Variants in PHLPP1 observed in about 807,000 individuals in gnomAD.
PHLPP1 encodes the protein PH domain and leucine rich repeat protein phosphatase 1.
PHLPP1 carries 42 observed loss-of-function variants against 117.2 expected under a neutral mutation model. That is an observed-to-expected ratio of 0.36 (90% confidence interval 0.28 to 0.46). PHLPP1 has a LOEUF of 0.46. Ranked by LOEUF, PHLPP1 falls within the 20% of genes least tolerant of loss-of-function variation. The pLI, the probability that PHLPP1 is intolerant of heterozygous loss-of-function variation, is 1.00. For missense variants in PHLPP1, 2,084 were observed against 2,241.9 expected (o/e 0.93, Z 1.42); for synonymous variants, 1,042 against 970.7 (o/e 1.07, Z -1.37).
chr18:62,736,219 C>T (rs1041655952), intron 1 of PHLPP1, among the ~76,000 whole-genome samples: 1 of 152,160 alleles, frequency 6.6e-6, no homozygotes, highest in African/African-American at 2.4e-5. Flanking sequence ...CACCATCAGC[C>T]TCTCCTGGGA....
At chr18:62,914,179 T>G (rs1009385132) in intron 8 of PHLPP1, among the ~76,000 whole-genome samples, 9 of 152,298 alleles carry the variant, frequency 5.9e-5, no homozygotes, top group African/African-American at 2.2e-4. Flanking sequence ...TCCCTTCCCA[T>G]TTGTCCATGG....
At chr18:62,827,569 C>G (rs925500395) in intron 1 of PHLPP1, among the ~76,000 whole-genome samples, 2 of 152,198 alleles carry the variant, frequency 1.3e-5, no homozygotes, top group Admixed American at 1.3e-4. Context: ...AAGGATGTGT[C>G]TGATCTGGTA....
intron 1 of PHLPP1, among the ~76,000 whole-genome samples, chr18:62,747,194 A>G (rs768129241): frequency 1.3e-5 from 2 of 150,294 alleles, no homozygotes; most frequent in African/African-American, 4.9e-5. Context: ...AATTCCATCA[A>G]TTAGTTTTGT....
intron 2 of PHLPP1, among the ~76,000 whole-genome samples, chr18:62,836,472 TAAATAAATAAATA>T (rs1408903980): frequency 1.7e-4 from 25 of 142,874 alleles, no homozygotes; most frequent in African/African-American, 6.7e-4. Context: ...AATAAATAAA[TAAATAAATAAATA>T]AAAATAAATT....
chr18:62,878,732 C>A (rs868659588), intron 4 of PHLPP1, among the ~76,000 whole-genome samples: 2 of 152,146 alleles, frequency 1.3e-5, no homozygotes, highest in African/African-American at 4.8e-5. Context: ...CTGTTTTTTT[C>A]CCCTAATTTT....
rs926650490 is a variant in PHLPP1, at chr18:62,969,161, C to T, written c.3561-3353C>T. 8.5e-5 allele frequency among the ~76,000 whole-genome samples: 13 copies of T among 152,192 alleles called. No individual in the cohort carries two copies. In the South Asian group the frequency reaches 2.1e-3, roughly 24 times the overall value. ...GCCTCAAGCAATCCTCCTGCCTTGG[C>T]CTCTCAAAGTACTGAGATTACAGGT... On this transcript the variant is annotated intron_variant, in intron 14 of 16. Transcript: ENST00000262719.
intron 4 of PHLPP1, among the ~76,000 whole-genome samples, chr18:62,870,430 C>A (rs557800411): frequency 6.6e-6 from 1 of 152,256 alleles, no homozygotes; most frequent in East Asian, 1.9e-4. Context: ...AATGTCCAGT[C>A]ACTTAGTGTG....
In PHLPP1 at chr18:62,799,778, T is replaced by G. The variant is rs1331424299; in HGVS notation, c.1577-30257T>G. 2.0e-5 allele frequency among the ~76,000 whole-genome samples: 3 copies of G among 152,358 alleles called. No homozygotes were observed. In the East Asian group the frequency reaches 5.8e-4, roughly 29 times the overall value. Reference sequence around the variant, plus strand: ...CATATTGAAAATATAGCTGAGGGTTTTTGTTTATTTGCTTGGGCCTTACTG... The same window carrying G: ...CATATTGAAAATATAGCTGAGGGTTGTTGTTTATTTGCTTGGGCCTTACTG... On this transcript the variant is annotated intron_variant, in intron 1 of 16. Coordinates refer to ENST00000262719, the MANE Select transcript of PHLPP1 (RefSeq NM_194449.4).
At chr18:62,874,931 A>G (rs1225356942) in intron 4 of PHLPP1, among the ~76,000 whole-genome samples, 11 of 152,154 alleles carry the variant, frequency 7.2e-5, no homozygotes. Flanking sequence ...CCTGCTATGT[A>G]TCTGTAGAAT....
At chr18:62,728,011 G>T (rs1241521675) in intron 1 of PHLPP1, among the ~76,000 whole-genome samples, 3 of 152,122 alleles carry the variant, frequency 2.0e-5, no homozygotes, top group African/African-American at 7.2e-5. Flanking sequence ...TTTAGGCCAG[G>T]TGCGGTGGCT....
chr18:62,849,928 A>G (rs987781868), intron 3 of PHLPP1, among the ~76,000 whole-genome samples: 1 of 145,424 alleles, frequency 6.9e-6, no homozygotes, highest in Non-Finnish European at 1.5e-5. Context: ...TTCTACGCCT[A>G]CTCCGAAGGG....
chr18:62,805,919 A>G (rs1568123081), intron 1 of PHLPP1, among the ~76,000 whole-genome samples: 1 of 151,924 alleles, frequency 6.6e-6, no homozygotes, highest in African/African-American at 2.4e-5. Flanking sequence ...AGAATATAAA[A>G]TATTTCAAAA....
intron 1 of PHLPP1, among the ~76,000 whole-genome samples, chr18:62,735,337 G>T (rs1471803142): frequency 6.6e-6 from 1 of 152,004 alleles, no homozygotes; most frequent in East Asian, 1.9e-4. Flanking sequence ...GCCTGTCTTG[G>T]CCTCCCAAAG....
rs4292011 is a variant in PHLPP1, at chr18:62,771,146, G to A, written c.1576+53887G>A. On this transcript the variant is annotated intron_variant, in intron 1 of 16. Transcript: ENST00000262719. Reference sequence around the variant, plus strand: ...GGAAAATCGCTTGAACCCGGGAGGTGGAGGTTGCAGTGAGCCGAGATTGCG... The same window carrying A: ...GGAAAATCGCTTGAACCCGGGAGGTAGAGGTTGCAGTGAGCCGAGATTGCG... Among the ~76,000 whole-genome samples the A allele has an allele frequency of 5.2e-3, 787 of 151,592 alleles. 41 individuals carry two copies. The highest frequency in any genetic ancestry group is 0.048 in the Admixed American group (729 of 15,222).
In PHLPP1 at chr18:62,952,075, C is replaced by G. The variant is rs537879598; in HGVS notation, c.3325-6554C>G. Among the ~76,000 whole-genome samples the G allele has an allele frequency of 7.2e-5, 11 of 152,070 alleles. No individual in the cohort carries two copies. In the East Asian group the frequency reaches 2.2e-3, roughly 30 times the overall value. On this transcript the variant is annotated intron_variant, in intron 12 of 16. Transcript: ENST00000262719. ...CCTCATGATCCACCCGCCTCGGCCT[C>G]CCAAAGTGCTGGGATTACAGGCGTG...
intron 1 of PHLPP1, among the ~76,000 whole-genome samples, chr18:62,807,087 T>A (rs1913972081): frequency 1.3e-5 from 2 of 152,092 alleles, no homozygotes; most frequent in Admixed American, 6.6e-5. Context: ...TTTTTTCAAG[T>A]CTTTTGGCAT....
At chr18:62,894,931 T>C in intron 4 of PHLPP1, 80 bp from the exon 5 acceptor site, 1 of 1,232,652 alleles carries the variant, frequency 8.1e-7, no homozygotes, top group Non-Finnish European at 1.1e-6. Context: ...TGGGCTAGAT[T>C]ATCTCTTAGG....
At chr18:62,846,530 CAT>C (rs986889842) in intron 3 of PHLPP1, among the ~76,000 whole-genome samples, 5 of 150,930 alleles carry the variant, frequency 3.3e-5, no homozygotes, top group African/African-American at 9.8e-5. Flanking sequence ...TCATATCACA[CAT>C]GTCTGAGAAG....
intron 8 of PHLPP1, among the ~76,000 whole-genome samples, chr18:62,905,521 G>C (rs1164159735): frequency 6.6e-6 from 1 of 150,510 alleles, no homozygotes; most frequent in South Asian, 2.1e-4. Context: ...GACTTGAAAG[G>C]TGAGTAAGTT....
Sources: allele counts gnomAD v4.1 joint callset (sites outside exome capture counted in the v4.1 genomes callset), GRCh38; gene constraint gnomAD v4.1.1; transcripts MANE v1.5; gene names NCBI Gene and HGNC (gene_info 2026-07-23, HGNC 2026-07-21).